The following WDFY4 variants were observed in gnomAD, a reference collection of about 807,000 sequenced individuals.
WDFY4 encodes the protein WDFY family member 4.
WDFY4 carries 169 observed loss-of-function variants against 351.9 expected under a neutral mutation model. The ratio of observed to expected loss-of-function variants is 0.48; its 90% CI spans 0.42 to 0.55. WDFY4 has a LOEUF of 0.55. Among genes scored for constraint, WDFY4 ranks in the 20% least tolerant of loss-of-function variants. WDFY4 has a pLI of 0.00. For missense variants in WDFY4, 3,803 were observed against 3,935.6 expected, an observed-to-expected ratio of 0.97 and a Z score of 0.90; for synonymous variants, 1,622 against 1,574.6, an observed-to-expected ratio of 1.03 and a Z score of -0.71.
At chr10:48,746,481 C>G (rs760951796) in intron 12 of WDFY4, among the ~76,000 whole-genome samples, 12 of 151,498 alleles carry the variant, frequency 7.9e-5, no homozygotes, top group Non-Finnish European at 1.6e-4. Flanking sequence ...AATAAGGAAC[C>G]ACTTTTGTTG....
intron 32 of WDFY4, among the ~76,000 whole-genome samples, chr10:48,819,703 C>G (rs1565234926): frequency 6.6e-6 from 1 of 152,158 alleles, no homozygotes; most frequent in Non-Finnish European, 1.5e-5. Flanking sequence ...GGAAAGAACT[C>G]TTTGGAGTCC....
At position 48,817,339 on chromosome 10, in the gene WDFY4, A is replaced by C; in HGVS notation, c.5435A>C (p.Asp1812Ala). 1 of 1,551,582 alleles carries C rather than the reference A, an allele frequency of 6.4e-7. No individual in the cohort carries two copies. The highest frequency in any genetic ancestry group is 8.7e-7 in the Non-Finnish European group (1 of 1,146,928). Residue 1812 changes from aspartate to alanine, a missense_variant, in exon 32 of 62, where the codon GAC becomes GCC. By Grantham distance (126) the Asp-to-Ala change is moderately radical. Around this residue, in one of 3 missense-constraint regions of WDFY4, gnomAD observed 3,054 missense variants for 3,148.6 expected, o/e 0.97. Coordinates refer to ENST00000325239, the MANE Select transcript of WDFY4 (RefSeq NM_001394531.1). ...LSLVHRTYPQ[D>A]PAWRAPEFLQ... ...CTCGTCCACCGCACCTACCCCCAGG[A>C]CCCAGCGTGGCGAGCCCCGGAGTTC...
chr10:48,963,625 T>G (rs928780668), intron 53 of WDFY4, among the ~76,000 whole-genome samples: 1 of 152,122 alleles, frequency 6.6e-6, no homozygotes, highest in Non-Finnish European at 1.5e-5. Context: ...GTGAAAACAG[T>G]CAGATCTGAT....
At chr10:48,793,648 C>A (rs1484021419) in intron 23 of WDFY4, among the ~76,000 whole-genome samples, 1 of 152,186 alleles carries the variant, frequency 6.6e-6, no homozygotes, top group Non-Finnish European at 1.5e-5. Context: ...GTCTGTTTCA[C>A]CCCCAGGCAC....
chr10:48,818,223 A>C (rs1264682927), intron 32 of WDFY4, among the ~76,000 whole-genome samples: 1 of 152,232 alleles, frequency 6.6e-6, no homozygotes, highest in African/African-American at 2.4e-5. Flanking sequence ...CAAGTTGCCA[A>C]CTGTAGCTAA....
intron 1 of WDFY4, among the ~76,000 whole-genome samples, chr10:48,708,262 G>A (rs953648693): frequency 6.6e-6 from 1 of 152,210 alleles, no homozygotes; most frequent in Admixed American, 6.5e-5. Flanking sequence ...TGCACATAAA[G>A]AGTGAGAATG....
At chr10:48,886,910 T>C (rs1447714579) in intron 43 of WDFY4, among the ~76,000 whole-genome samples, 2 of 152,266 alleles carry the variant, frequency 1.3e-5, no homozygotes, top group African/African-American at 4.8e-5. Context: ...AAGTGATCAA[T>C]AGAATCATGG....
chr10:48,715,798 CT>C (rs2080020105), intron 2 of WDFY4, among the ~76,000 whole-genome samples: 1 of 109,800 alleles, frequency 9.1e-6, no homozygotes, highest in African/African-American at 3.4e-5. Flanking sequence ...GCTAATTTTT[CT>C]TTTCTTTTCT....
intron 13 of WDFY4, among the ~76,000 whole-genome samples, chr10:48,770,344 C>T (rs1012529364): frequency 6.6e-6 from 1 of 152,138 alleles, no homozygotes; most frequent in Admixed American, 6.5e-5. Context: ...CCAAAACAAA[C>T]CAGAACAAAC....
At chr10:48,723,676 A>C (rs775596723) in intron 5 of WDFY4, 109 bp downstream of exon 5, 1 of 1,436,964 alleles carries the variant, frequency 7.0e-7, no homozygotes, top group Non-Finnish European at 9.3e-7. Flanking sequence ...TGGTTCCTGA[A>C]CTCCTCTGTT....
chr10:48,799,875 G>A (rs2067002714), intron 24 of WDFY4, among the ~76,000 whole-genome samples: 1 of 152,158 alleles, frequency 6.6e-6, no homozygotes, highest in Non-Finnish European at 1.5e-5. Context: ...AGAACTTTTG[G>A]TTTTGGGTTT....
intron 49 of WDFY4, among the ~76,000 whole-genome samples, chr10:48,943,959 C>T (rs1044641596): frequency 6.6e-6 from 1 of 152,184 alleles, no homozygotes; most frequent in Non-Finnish European, 1.5e-5. Flanking sequence ...CCTGGATCCC[C>T]CTGTGGAATG....
intron 46 of WDFY4, 56 bp from the exon 47 acceptor site, chr10:48,901,745 G>A: frequency 6.5e-7 from 1 of 1,528,242 alleles, no homozygotes; most frequent in South Asian, 1.2e-5. Flanking sequence ...TGCCTCTGCA[G>A]CAGGAGAAAG....
chr10:48,889,524 T>C (rs978654715), intron 43 of WDFY4, among the ~76,000 whole-genome samples: 1 of 152,072 alleles, frequency 6.6e-6, no homozygotes, highest in Non-Finnish European at 1.5e-5. Context: ...AACATATCTA[T>C]TCTGCTTTTG....
intron 52 of WDFY4, 131 bp from the exon 53 acceptor site, chr10:48,959,591 G>T: frequency 1.2e-6 from 1 of 808,748 alleles, no homozygotes; most frequent in South Asian, 1.5e-5. Context: ...AAGCAGCATG[G>T]TCTGCAGAGA....
At chr10:48,867,853 C>T (rs956272139) in intron 40 of WDFY4, among the ~76,000 whole-genome samples, 2 of 152,086 alleles carry the variant, frequency 1.3e-5, no homozygotes, top group Non-Finnish European at 2.9e-5. Context: ...AGTCTTAAAA[C>T]CCTGTTGAAT....
intron 35 of WDFY4, among the ~76,000 whole-genome samples, chr10:48,824,708 C>T (rs1000507864): frequency 7.2e-5 from 11 of 152,142 alleles, no homozygotes; most frequent in African/African-American, 2.2e-4. Flanking sequence ...TGATGGAGTG[C>T]AGTTCACCTC....
chr10:48,754,320 C>T (rs980695895), intron 12 of WDFY4, among the ~76,000 whole-genome samples: 1 of 150,794 alleles, frequency 6.6e-6, no homozygotes, highest in African/African-American at 2.4e-5. Context: ...ATATGCCAGA[C>T]ATACTCCTAC....
chr10:48,826,149 G>T (rs1232198683), intron 35 of WDFY4, among the ~76,000 whole-genome samples: 1 of 152,148 alleles, frequency 6.6e-6, no homozygotes, highest in Admixed American at 6.5e-5. Flanking sequence ...ATAACGAAGG[G>T]GTCCAGTTTC....
Sources: allele counts gnomAD v4.1 joint callset (sites outside exome capture counted in the v4.1 genomes callset), GRCh38; gene constraint gnomAD v4.1.1; regional missense constraint gnomAD v4.1.1; transcripts MANE v1.5; gene names NCBI Gene and HGNC (gene_info 2026-07-23, HGNC 2026-07-21).